SPAG17: variants seen among roughly 807,000 people sequenced by gnomAD.
SPAG17 encodes sperm-associated antigen 17.
Under a neutral mutation model 273.6 loss-of-function variants are expected in SPAG17, and 169 were observed. The ratio of observed to expected loss-of-function variants is 0.62; its 90% CI spans 0.55 to 0.70. The LOEUF is 0.70. Ranked by LOEUF, SPAG17 falls within the 30% of genes least tolerant of loss-of-function variation. The probability of loss-of-function intolerance (pLI) is 0.00; values close to 1 mark genes in which losing one functional copy is unlikely to be tolerated. For missense variants in SPAG17, 2,557 were observed against 2,627.8 expected (o/e 0.97, Z 0.59); for synonymous variants, 825 against 873.2 (o/e 0.94, Z 0.97).
At chr1:117,956,812 A>G (rs1357801771) in intron 48 of SPAG17, among the ~76,000 whole-genome samples, 9 of 152,302 alleles carry the variant, frequency 5.9e-5, no homozygotes, top group African/African-American at 1.9e-4. Context: ...GGCTTTGGAG[A>G]TATTGTTTAT....
chr1:117,981,944 G>C (rs1386516409), intron 42 of SPAG17, among the ~76,000 whole-genome samples: 1 of 152,122 alleles, frequency 6.6e-6, no homozygotes. Flanking sequence ...GAATAGTCCT[G>C]GTTGCCTCAA....
intron 15 of SPAG17, among the ~76,000 whole-genome samples, chr1:118,079,690 A>G (rs1654380515): frequency 1.3e-5 from 2 of 151,772 alleles, no homozygotes; most frequent in African/African-American, 4.8e-5. Context: ...CTTAAGGTTG[A>G]TGTTTAGTTA....
intron 18 of SPAG17, among the ~76,000 whole-genome samples, chr1:118,062,684 T>A (rs1029462975): frequency 1.9e-4 from 29 of 152,256 alleles, no homozygotes; most frequent in East Asian, 9.6e-4. Context: ...GTGGTTTTTT[T>A]AAAAATGTTT....
intron 7 of SPAG17, among the ~76,000 whole-genome samples, chr1:118,096,205 C>T (rs978516085): frequency 3.3e-5 from 5 of 152,126 alleles, no homozygotes; most frequent in African/African-American, 9.7e-5. Context: ...CCCTCTTCAG[C>T]GTTTTCACTT....
intron 4 of SPAG17, among the ~76,000 whole-genome samples, chr1:118,106,452 C>T (rs369788423): frequency 1.3e-5 from 2 of 152,116 alleles, no homozygotes; most frequent in East Asian, 3.9e-4. Context: ...TTGTAAGGCA[C>T]AAGTCAGTGC....
chr1:117,954,594 C>T (rs1427011741), intron 48 of SPAG17: 1 of 1,612,530 alleles, frequency 6.2e-7, no homozygotes, highest in African/African-American at 1.3e-5. Flanking sequence ...CACTTCCCAG[C>T]AACCCCATCC....
intron 19 of SPAG17, among the ~76,000 whole-genome samples, chr1:118,054,353 G>GTCTC (rs34784674): frequency 9.3e-5 from 14 of 151,054 alleles, no homozygotes; most frequent in African/African-American, 1.7e-4. Flanking sequence ...TTGAACTGTA[G>GTCTC]TCTCTCTCTC....
chr1:117,955,653 A>ATATTTTGGC (rs1205421660), intron 48 of SPAG17, among the ~76,000 whole-genome samples: 1 of 151,952 alleles, frequency 6.6e-6, no homozygotes, highest in Admixed American at 6.6e-5. Context: ...AATTTGTTTT[A>ATATTTTGGC]TATTTTGGCT....
At chr1:118,119,922 A>G (rs1657322670) in intron 3 of SPAG17, among the ~76,000 whole-genome samples, 1 of 152,184 alleles carries the variant, frequency 6.6e-6, no homozygotes, top group South Asian at 2.1e-4. Flanking sequence ...TTCTGTGCTG[A>G]TAAGTTTTGC....
chr1:117,984,207 C>T (rs1656154193), intron 41 of SPAG17, among the ~76,000 whole-genome samples: 1 of 152,098 alleles, frequency 6.6e-6, no homozygotes, highest in African/African-American at 2.4e-5. Context: ...ATGGGAAGGT[C>T]GGGGCTGTGG....
chr1:118,131,394 CT>C (rs1484757089), intron 3 of SPAG17, among the ~76,000 whole-genome samples: 10 of 152,172 alleles, frequency 6.6e-5, no homozygotes, highest in Non-Finnish European at 1.5e-4. Context: ...TCCAGTTTTG[CT>C]CCCCTGGCTA....
intron 18 of SPAG17, 134 bp from the exon 19 acceptor site, chr1:118,056,048 G>T: frequency 1.6e-6 from 1 of 627,240 alleles, no homozygotes; most frequent in Non-Finnish European, 2.6e-6. Context: ...GATGTATTTT[G>T]TACAAAATAG....
Position 117,973,452 on chromosome 1 carries a change from G to A in SPAG17, c.6114C>T (p.Ser2038=), listed in dbSNP as rs762978096. The A allele has an allele frequency of 1.9e-6, 3 of 1,613,760 alleles. No homozygotes were observed. The highest frequency in any genetic ancestry group is 2.5e-6 in the Non-Finnish European group (3 of 1,179,738). ...TTGCAAGAGGTTGAGACTTAGGCTT[G>A]GAACTCAGCAAATAATGAGGCAACT... ...KVKLPHYLLS[S]KPKSQPLAKV... is the part of the protein sequence containing the mutation. Residue 2038 remains serine, a synonymous_variant, in exon 44 of 49, where the codon TCC becomes TCT. Coordinates refer to ENST00000336338, the MANE Select transcript of SPAG17 (RefSeq NM_206996.4).
At chr1:118,089,097 G>C (rs1005828852) in intron 10 of SPAG17, among the ~76,000 whole-genome samples, 1 of 152,108 alleles carries the variant, frequency 6.6e-6, no homozygotes, top group African/African-American at 2.4e-5. Flanking sequence ...ATTGCAAAAA[G>C]AAAAGCTGTT....
chr1:117,997,698 T>C (rs1657812141), intron 32 of SPAG17, among the ~76,000 whole-genome samples: 1 of 152,130 alleles, frequency 6.6e-6, no homozygotes, highest in Non-Finnish European at 1.5e-5. Context: ...CTGTTGCAGC[T>C]ACTCAACTCT....
In SPAG17 at chr1:118,005,469, C is replaced by T. The variant is rs866039320; in HGVS notation, c.4721G>A (p.Arg1574Lys). 2 of 1,613,630 alleles carry T rather than the reference C, an allele frequency of 1.2e-6. No individual in the cohort carries two copies. The highest frequency in any genetic ancestry group is 4.5e-5 in the East Asian group (2 of 44,864). ...CTCACAGATAACCTCTGAAGTATGCCTCATGATGTACCTGCCAGCTCGCAG... is the reference window on the plus strand; with the variant it reads ...CTCACAGATAACCTCTGAAGTATGCTTCATGATGTACCTGCCAGCTCGCAG... ...EQLRAGRYIM[R>K]HTSEVICEVL... is the part of the protein sequence containing the mutation. The change falls in exon 32 of 49, where the codon AGG becomes AAG. Residue 1574 changes from arginine (R) to lysine (K), a missense_variant. Arg to Lys is a conservative substitution (Grantham distance 26, BLOSUM62 2). Transcript: ENST00000336338.
intron 32 of SPAG17, among the ~76,000 whole-genome samples, chr1:117,999,938 A>G (rs188252770): frequency 6.6e-6 from 1 of 152,286 alleles, no homozygotes; most frequent in Admixed American, 6.5e-5. Flanking sequence ...GTTTTCTTCT[A>G]GGGTTTTTAT....
intron 6 of SPAG17, among the ~76,000 whole-genome samples, chr1:118,098,433 A>G (rs574938992): frequency 1.3e-5 from 2 of 152,184 alleles, no homozygotes; most frequent in African/African-American, 4.8e-5. Context: ...TGCTTATTAC[A>G]TCTATAATTA....
chr1:118,092,610 A>T (rs186616924), intron 8 of SPAG17, among the ~76,000 whole-genome samples: 161 of 152,040 alleles, frequency 1.1e-3, no homozygotes, highest in Non-Finnish European at 1.9e-3. Flanking sequence ...GGCACTTCAT[A>T]CTCATCTTTC....
Sources: allele counts gnomAD v4.1 joint callset (sites outside exome capture counted in the v4.1 genomes callset), GRCh38; gene constraint gnomAD v4.1.1; transcripts MANE v1.5; gene names NCBI Gene and HGNC (gene_info 2026-07-23, HGNC 2026-07-21).